The following TENM2 variants were observed in gnomAD, a reference collection of about 807,000 sequenced individuals.
TENM2 encodes the protein teneurin transmembrane protein 2.
A neutral mutation model predicts 245.2 loss-of-function variants in TENM2; 52 were observed. That is an observed-to-expected ratio of 0.21 (90% CI 0.17 to 0.27). TENM2 has a LOEUF of 0.27. Ranked by LOEUF, TENM2 falls within the 10% of genes least tolerant of loss-of-function variation. The probability of loss-of-function intolerance (pLI) is 1.00; values close to 1 mark genes in which losing one functional copy is unlikely to be tolerated. For synonymous variants in TENM2, 1,363 were observed against 1,438.9 expected (o/e 0.95, Z 1.19); for missense variants, 3,046 against 3,666.8 (o/e 0.83, Z 4.37).
At chr5:167,983,415 T>A (rs1463165735) in intron 4 of TENM2, among the ~76,000 whole-genome samples, 1 of 152,144 alleles carries the variant, frequency 6.6e-6, no homozygotes, top group East Asian at 1.9e-4. Context: ...AGGCAATAAA[T>A]TGAGTTGCTA....
intron 2 of TENM2, among the ~76,000 whole-genome samples, chr5:167,564,834 G>T (rs1265019347): frequency 1.3e-5 from 2 of 152,238 alleles, no homozygotes; most frequent in African/African-American, 4.8e-5. Flanking sequence ...CTATGCTCAA[G>T]AACTTCTTGT....
At chr5:168,130,976 T>A (rs1445775871) in intron 12 of TENM2, among the ~76,000 whole-genome samples, 3 of 152,184 alleles carry the variant, frequency 2.0e-5, no homozygotes, top group Non-Finnish European at 4.4e-5. Context: ...TGTGTAATAA[T>A]AGATCAAAAT....
chr5:168,016,976 C>CT (rs1466058209), intron 5 of TENM2, among the ~76,000 whole-genome samples: 1 of 152,216 alleles, frequency 6.6e-6, no homozygotes, highest in Non-Finnish European at 1.5e-5. Flanking sequence ...GATCACCACA[C>CT]TGAGCCACCC....
At chr5:167,520,932 CTTT>C (rs374211778) in intron 2 of TENM2, among the ~76,000 whole-genome samples, 92 of 130,458 alleles carry the variant, frequency 7.1e-4, no homozygotes, top group Non-Finnish European at 8.3e-4. Flanking sequence ...ATTCTTTTTC[CTTT>C]TTTTTTTTTT....
intron 2 of TENM2, among the ~76,000 whole-genome samples, chr5:167,749,975 C>G (rs1358804108): frequency 6.6e-6 from 1 of 152,140 alleles, no homozygotes; most frequent in African/African-American, 2.4e-5. Context: ...TCTTCACCAT[C>G]ATCATCTCCC....
At chr5:167,315,041 G>T (rs934114182) in intron 1 of TENM2, among the ~76,000 whole-genome samples, 8 of 151,482 alleles carry the variant, frequency 5.3e-5, no homozygotes, top group Non-Finnish European at 1.2e-4. Context: ...TTCCTTTCTT[G>T]GTTAGTTAGG....
At chr5:167,142,638 C>T in the TENM2 span, among the ~76,000 whole-genome samples, 3 of 152,114 alleles carry the variant, frequency 2.0e-5, no homozygotes, top group Non-Finnish European at 4.4e-5. Flanking sequence ...GCAGCCTCCT[C>T]CACTCGGGTT....
At chr5:167,847,462 T>C (rs909595175) in intron 2 of TENM2, among the ~76,000 whole-genome samples, 6 of 152,248 alleles carry the variant, frequency 3.9e-5, no homozygotes, top group African/African-American at 1.2e-4. Context: ...GTCTCTGTTA[T>C]GCCCTCTGCA....
intron 7 of TENM2, among the ~76,000 whole-genome samples, chr5:168,074,998 T>C (rs543319921): frequency 1.3e-5 from 2 of 152,338 alleles, no homozygotes; most frequent in South Asian, 4.1e-4. Context: ...GAATAAGTTC[T>C]TTAGTGGTGA....
At chr5:167,667,276 G>A (rs1316949700) in intron 2 of TENM2, among the ~76,000 whole-genome samples, 5 of 152,096 alleles carry the variant, frequency 3.3e-5, no homozygotes, top group Middle Eastern at 3.2e-3. Context: ...ATTGGTGTTG[G>A]CCGTATTTGC....
the TENM2 span, among the ~76,000 whole-genome samples, chr5:166,988,870 G>A: frequency 6.6e-6 from 1 of 152,150 alleles, no homozygotes; most frequent in African/African-American, 2.4e-5. Flanking sequence ...ACCATTGAAA[G>A]TTCCAAGCTG....
At chr5:167,136,192 C>T in the TENM2 span, among the ~76,000 whole-genome samples, 1 of 152,142 alleles carries the variant, frequency 6.6e-6, no homozygotes, top group Non-Finnish European at 1.5e-5. Context: ...CATACCAACC[C>T]AGCTGGATTA....
intron 2 of TENM2, among the ~76,000 whole-genome samples, chr5:167,863,712 G>A (rs1561869718): frequency 6.6e-6 from 1 of 152,172 alleles, no homozygotes; most frequent in East Asian, 1.9e-4. Flanking sequence ...TGGATGGCAT[G>A]TGTTGACTGA....
At chr5:168,262,327 G>C (rs753151931) in exon 29 of TENM2, 1 of 1,609,858 alleles carries the variant, frequency 6.2e-7, no homozygotes, top group South Asian at 1.1e-5. Context: ...ACAGCATCGA[G>C]GGCAAGGACA....
chr5:168,010,270 C>G (rs1785126306), intron 5 of TENM2, among the ~76,000 whole-genome samples: 1 of 152,188 alleles, frequency 6.6e-6, no homozygotes, highest in Non-Finnish European at 1.5e-5. Context: ...CTCTGAAAGC[C>G]TCTTTAAAAT....
intron 2 of TENM2, among the ~76,000 whole-genome samples, chr5:167,526,514 C>T (rs1461871414): frequency 1.3e-5 from 2 of 151,858 alleles, no homozygotes; most frequent in Non-Finnish European, 2.9e-5. Context: ...AATCGGGAAA[C>T]AATAACAACT....
At chr5:167,400,925 G>C (rs1468380479) in intron 2 of TENM2, among the ~76,000 whole-genome samples, 1 of 152,032 alleles carries the variant, frequency 6.6e-6, no homozygotes, top group Non-Finnish European at 1.5e-5. Context: ...GTAGGTGCTT[G>C]ATTAAAATGC....
At chr5:167,454,573 G>A (rs1765798928) in intron 2 of TENM2, among the ~76,000 whole-genome samples, 1 of 151,964 alleles carries the variant, frequency 6.6e-6, no homozygotes, top group Non-Finnish European at 1.5e-5. Context: ...TTCTTTGTGT[G>A]TATGTGTGCA....
chr5:166,989,904 T>A, the TENM2 span, among the ~76,000 whole-genome samples: 5 of 151,030 alleles, frequency 3.3e-5, no homozygotes, highest in African/African-American at 1.2e-4. Flanking sequence ...CTCAAATATG[T>A]TGGTCATGTA....
Sources: gnomAD v4.1 joint callset for allele counts (sites outside exome capture counted in the v4.1 genomes callset) on GRCh38, gnomAD v4.1.1 for gene constraint, MANE v1.5 for transcripts, NCBI Gene and HGNC (gene_info 2026-07-23, HGNC 2026-07-21) for gene names.